ZBTB24: variants seen among roughly 807,000 people sequenced by gnomAD.
The protein encoded by ZBTB24 is zinc finger and BTB domain-containing protein 24.
In ZBTB24, 32 loss-of-function variants were observed where a neutral mutation model predicts 53.8. The observed-to-expected ratio is 0.60, with a 90% CI of 0.45 to 0.80. The LOEUF (loss-of-function observed/expected upper bound fraction) is 0.80. Ranked by LOEUF, ZBTB24 falls within the 30% of genes least tolerant of loss-of-function variation. The probability of loss-of-function intolerance (pLI) is 0.00; values close to 1 mark genes in which losing one functional copy is unlikely to be tolerated. For missense variants in ZBTB24, 722 were observed against 837.1 expected, an observed-to-expected ratio of 0.86 and a Z score of 1.70; for synonymous variants, 297 against 306.7, an observed-to-expected ratio of 0.97 and a Z score of 0.33.
At chr6:109,475,869 T>G (rs1028375297) in intron 4 of ZBTB24, among the ~76,000 whole-genome samples, 3 of 152,264 alleles carry the variant, frequency 2.0e-5, no homozygotes, top group Non-Finnish European at 4.4e-5. Context: ...TGATGATGTC[T>G]CTGCCCAGGC....
intron 2 of ZBTB24, among the ~76,000 whole-genome samples, chr6:109,478,149 C>A (rs1182935911): frequency 6.6e-6 from 1 of 152,154 alleles, no homozygotes; most frequent in Non-Finnish European, 1.5e-5. Context: ...TCTGAAGGAA[C>A]TCCCCAAATC....
chr6:109,470,922 T>G (rs1374500382), intron 5 of ZBTB24, among the ~76,000 whole-genome samples: 1 of 152,222 alleles, frequency 6.6e-6, no homozygotes, highest in Non-Finnish European at 1.5e-5. Flanking sequence ...CCCTGTGCTG[T>G]GTACCATTGT....
chr6:109,482,118 CATGAACTTCCT>C, intron 1 of ZBTB24, 64 bp from the exon 2 acceptor site: 1 of 1,092,358 alleles, frequency 9.2e-7, no homozygotes, highest in South Asian at 1.3e-5. Flanking sequence ...TGCCAGCCCA[CATGAACTTCCT>C]ATTCACTTCA....
Position 109,465,723 on chromosome 6 carries a change from A to G in ZBTB24, c.*128T>C. On this transcript the variant is annotated 3_prime_UTR_variant, in exon 7 of 7. Transcript: ENST00000230122. Reference sequence around the variant, plus strand: ...ATGGAGGGCATTATAAACATCAGTTAGCCATCACAGCTCTCACAGAAGCAT... The same window carrying G: ...ATGGAGGGCATTATAAACATCAGTTGGCCATCACAGCTCTCACAGAAGCAT... The G allele has an allele frequency of 6.2e-7, 1 of 1,608,888 alleles. No individual in the cohort carries two copies. The highest frequency in any genetic ancestry group is 8.5e-7 in the Non-Finnish European group (1 of 1,179,724).
intron 2 of ZBTB24, chr6:109,480,855 C>A (rs962641060): frequency 4.9e-6 from 4 of 814,356 alleles, no homozygotes; most frequent in Non-Finnish European, 5.9e-6. Context: ...CTTTAGCAAC[C>A]CTCTCTTACA....
chr6:109,472,587 C>T (rs1442019520), intron 5 of ZBTB24, among the ~76,000 whole-genome samples: 3 of 152,304 alleles, frequency 2.0e-5, no homozygotes, highest in South Asian at 4.1e-4. Context: ...CCTCCACCAC[C>T]GCTGTCTCCC....
Position 109,481,619 on chromosome 6 carries a change from C to T in ZBTB24, c.408G>A (p.Lys136=), listed in dbSNP as rs748611512. The part of the protein sequence containing the change: ...TDFQNNHSSP[K]PTTLNTAGAP... ...CACCAGCAGTGTTCAAAGTTGTTGG[C>T]TTTGGGGAGCTATGATTATTTTGGA... Residue 136 remains lysine, a synonymous_variant, in exon 2 of 7, where the codon AAG becomes AAA. Coordinates refer to ENST00000230122, the MANE Select transcript of ZBTB24 (RefSeq NM_014797.3). The T allele has an allele frequency of 1.9e-6, 3 of 1,614,144 alleles. No homozygotes were observed. In the South Asian group the frequency reaches 3.3e-5, roughly 18 times the overall value.
rs779076783 is a variant in ZBTB24 at position 109,481,329 on chromosome 6, A to G, written c.698T>C (p.Val233Ala). 6.2e-6 allele frequency: 10 copies of G among 1,614,138 alleles called. No individual in the cohort carries two copies. Among genetic ancestry groups the G allele is most frequent in the Non-Finnish European group, 8.5e-6 (10 of 1,180,012 alleles). ...CEPSREEEMP[V>A]EKDENYDPKT... ...GGGATCATAGTTCTCATCTTTTTCA[A>G]CTGGCATTTCCTCCTCTCTACTTGG... is the stretch of plus-strand genomic sequence containing the variant. Residue 233 changes from valine to alanine, a missense_variant, in exon 2 of 7, where the codon GTT (valine) becomes GCT (alanine). By Grantham distance (64) the Val-to-Ala change is moderately conservative. Coordinates refer to ENST00000230122, the MANE Select transcript of ZBTB24 (RefSeq NM_014797.3).
chr6:109,480,995 C>T (rs1236552240), intron 2 of ZBTB24, 80 bp downstream of exon 2: 38 of 1,574,996 alleles, frequency 2.4e-5, no homozygotes, highest in Non-Finnish European at 3.2e-5. Flanking sequence ...ACAGAAGTTG[C>T]ACAGTAAATG....
chr6:109,482,197 G>A, intron 1 of ZBTB24, 143 bp from the exon 2 acceptor site: 1 of 731,014 alleles, frequency 1.4e-6, no homozygotes, highest in Non-Finnish European at 2.3e-6. Flanking sequence ...TTAGCTCTGG[G>A]CCCGGGCGCA....
Position 109,481,309 on chromosome 6 carries a change from C to A in ZBTB24, c.718G>T (p.Asp240Tyr). The change falls in exon 2 of 7, where the codon GAT becomes TAT. Residue 240 changes from aspartate (D) to tyrosine (Y), a missense_variant. Physicochemically the swap from Asp to Tyr is radical, Grantham distance 160. Coordinates refer to ENST00000230122, the MANE Select transcript of ZBTB24 (RefSeq NM_014797.3). ...GCCTGGCCATCCTCGGTCTTGGGAT[C>A]ATAGTTCTCATCTTTTTCAACTGGC... is the stretch of plus-strand genomic sequence containing the variant. ...EMPVEKDENY[D>Y]PKTEDGQASQ... 6.2e-7 allele frequency: 1 copy of A among 1,614,182 alleles called. No homozygotes were observed. Among genetic ancestry groups the A allele is most frequent in the Non-Finnish European group, 8.5e-7 (1 of 1,180,036 alleles).
rs778943402 is a variant in ZBTB24 at position 109,465,971 on chromosome 6, G to C, written c.1974C>G (p.Leu658=). Residue 658 remains leucine (L), a synonymous_variant, in exon 7 of 7, where the codon CTC becomes CTG. Transcript: ENST00000230122. ...LHAHQEQTEE[L]HLATSTSDPA... ...GATCTGAAGTACTTGTAGCTAAATG[G>C]AGCTCCTCTGTTTGCTCTTGATGGG... 3 of 1,614,202 alleles carry C rather than the reference G, an allele frequency of 1.9e-6. No individual in the cohort carries two copies. Among genetic ancestry groups the C allele is most frequent in the Non-Finnish European group, 2.5e-6 (3 of 1,180,040 alleles).
rs1775917472 is a variant in ZBTB24, at chr6:109,462,697, G to C, written c.*3154C>G. On this transcript the variant is annotated 3_prime_UTR_variant, in exon 7 of 7. Transcript: ENST00000230122. ...TAGAGGTGAGTTTCAAGAAGCACTG[G>C]GCAAGCACTTGAATAACTGATTTTG... The C allele has an allele frequency of 6.6e-6, 1 of 152,196 alleles. No individual in the cohort carries two copies. The highest frequency in any genetic ancestry group is 1.5e-5 in the Non-Finnish European group (1 of 68,016). The allele number at this position is 152,196 out of a possible 1,614,324, so 9.4% of individuals were successfully genotyped here.
chr6:109,476,725 A>C, intron 3 of ZBTB24, 38 bp downstream of exon 3: 1 of 1,605,292 alleles, frequency 6.2e-7, no homozygotes, highest in Non-Finnish European at 8.5e-7. Flanking sequence ...GGGGAATGGG[A>C]ATCTGGTGAA....
At chr6:109,473,192 A>G (rs967668032) in intron 5 of ZBTB24, among the ~76,000 whole-genome samples, 5 of 152,194 alleles carry the variant, frequency 3.3e-5, no homozygotes, top group African/African-American at 1.2e-4. Flanking sequence ...AGGTGAAGTC[A>G]ATCAGAATCT....
At chr6:109,479,846 G>A (rs1336034934) in intron 2 of ZBTB24, among the ~76,000 whole-genome samples, 1 of 150,510 alleles carries the variant, frequency 6.6e-6, no homozygotes, top group Non-Finnish European at 1.5e-5. Context: ...AACTCGGGAG[G>A]CGGAGGTTGC....
chr6:109,472,989 C>T (rs1051225053), intron 5 of ZBTB24, among the ~76,000 whole-genome samples: 1 of 152,152 alleles, frequency 6.6e-6, no homozygotes, highest in Non-Finnish European at 1.5e-5. Flanking sequence ...ACCCTGGCCT[C>T]GCCCCCACCT....
chr6:109,466,109 C>T lies in ZBTB24; in HGVS notation c.1836G>A (p.Glu612=), dbSNP rs138493459. 3 of 1,614,136 alleles carry T rather than the reference C, an allele frequency of 1.9e-6. No individual in the cohort carries two copies. The highest frequency in any genetic ancestry group is 2.7e-5 in the African/African-American group (2 of 74,952). ...TGAGGCTCTGAATGTGTTCTGTTTG[C>T]TCCTGTTGAGCTGAAAGAATTAAAT... ...LQNLILSAQQ[E]QTEHIQSLNM... The change falls in exon 7 of 7, where the codon GAG becomes GAA. Residue 612 remains glutamate, a synonymous_variant. Transcript: ENST00000230122.
intron 5 of ZBTB24, among the ~76,000 whole-genome samples, chr6:109,470,392 A>G (rs528332396): frequency 2.0e-5 from 3 of 152,180 alleles, no homozygotes; most frequent in Non-Finnish European, 2.9e-5. Flanking sequence ...TCTTCTCAGC[A>G]GTTACTCCAC....
Sources: allele counts gnomAD v4.1 joint callset (sites outside exome capture counted in the v4.1 genomes callset), GRCh38; gene constraint gnomAD v4.1.1; transcripts MANE v1.5; gene names NCBI Gene and HGNC (gene_info 2026-07-23, HGNC 2026-07-21).